The following RAI14 variants were observed in gnomAD, a reference collection of about 807,000 sequenced individuals.
RAI14 encodes ankycorbin.
Under a neutral mutation model 115.4 loss-of-function variants are expected in RAI14, and 45 were observed. The observed-to-expected ratio is 0.39, with a 90% CI of 0.31 to 0.50. The LOEUF (loss-of-function observed/expected upper bound fraction) is 0.50, where lower values mean the gene tolerates loss of function less well. Among genes scored for constraint, RAI14 ranks in the 20% least tolerant of loss-of-function variants. RAI14 has a pLI of 0.85. For synonymous variants in RAI14, 371 were observed against 415.4 expected (o/e 0.89, Z 1.30); for missense variants, 939 against 1,131.2 (o/e 0.83, Z 2.44).
chr5:34,696,995 G>A (rs752538614), intron 2 of RAI14, among the ~76,000 whole-genome samples: 1 of 151,930 alleles, frequency 6.6e-6, no homozygotes, highest in Non-Finnish European at 1.5e-5. Context: ...GCCAGGCATG[G>A]TGGCATGCAC....
intron 2 of RAI14, among the ~76,000 whole-genome samples, chr5:34,742,168 C>T (rs570584447): frequency 3.9e-5 from 6 of 152,274 alleles, no homozygotes; most frequent in Admixed American, 2.0e-4. Flanking sequence ...GTGGCCTCGT[C>T]GCTAACCAAG....
intron 2 of RAI14, among the ~76,000 whole-genome samples, chr5:34,704,657 A>G (rs953396569): frequency 2.0e-5 from 3 of 151,986 alleles, no homozygotes; most frequent in Non-Finnish European, 4.4e-5. Flanking sequence ...TTCTGTTCCC[A>G]GTTATATACT....
Position 34,787,431 on chromosome 5 carries a change from A to G in RAI14, c.168-8508A>G, listed in dbSNP as rs151243691. On this transcript the variant is annotated intron_variant, in intron 3 of 17. Transcript: ENST00000265109. ...TAAGGAAGGAATGAAGTACTAATGC[A>G]TACTGCAACATGGATGAACCTTGAA... Among the ~76,000 whole-genome samples, 980 of 152,374 alleles carry G rather than the reference A, an allele frequency of 6.4e-3. 10 individuals are homozygous for G. The highest frequency in any genetic ancestry group is 7.6e-3 in the Non-Finnish European group (514 of 68,040).
chr5:34,739,445 G>C (rs1010082534), intron 2 of RAI14, among the ~76,000 whole-genome samples: 3 of 152,188 alleles, frequency 2.0e-5, no homozygotes, highest in African/African-American at 7.2e-5. Context: ...CTAGTATAAA[G>C]AGTTTGGATT....
intron 14 of RAI14, 75 bp from the exon 15 acceptor site, chr5:34,822,881 G>T: frequency 2.3e-6 from 3 of 1,281,624 alleles, no homozygotes; most frequent in Non-Finnish European, 2.2e-6. Context: ...TAGAGACGGG[G>T]TTTCACCGTG....
chr5:34,828,957 T>C (rs1241131246), intron 16 of RAI14, among the ~76,000 whole-genome samples: 2 of 152,188 alleles, frequency 1.3e-5, no homozygotes, highest in South Asian at 2.1e-4. Context: ...ATTTGGTCAT[T>C]GTAGAAAAGT....
chr5:34,782,001 G>A (rs1422485093), intron 3 of RAI14, among the ~76,000 whole-genome samples: 3 of 152,216 alleles, frequency 2.0e-5, no homozygotes, highest in Non-Finnish European at 2.9e-5. Flanking sequence ...CGGAAATAAA[G>A]GGATGGGTCT....
intron 2 of RAI14, among the ~76,000 whole-genome samples, chr5:34,733,607 C>T (rs539754081): frequency 6.6e-6 from 1 of 152,330 alleles, no homozygotes; most frequent in South Asian, 2.1e-4. Context: ...CTGGACCCTT[C>T]TCTAAAGCAC....
chr5:34,666,658 C>A (rs542886841), intron 1 of RAI14, among the ~76,000 whole-genome samples: 11 of 152,278 alleles, frequency 7.2e-5, no homozygotes, highest in Admixed American at 1.3e-4. Flanking sequence ...CCATTTCAGT[C>A]AAAAACCAAG....
At chr5:34,673,316 G>A (rs866387646) in intron 1 of RAI14, among the ~76,000 whole-genome samples, 22 of 152,176 alleles carry the variant, frequency 1.4e-4, no homozygotes, top group African/African-American at 5.1e-4. Flanking sequence ...CTGTGTGAGG[G>A]CAATGGGGCA....
chr5:34,816,730 T>C (rs887427143), intron 12 of RAI14, among the ~76,000 whole-genome samples: 5 of 152,194 alleles, frequency 3.3e-5, no homozygotes, highest in African/African-American at 1.2e-4. Context: ...TTCCCTCACT[T>C]TAGACTTTAC....
intron 11 of RAI14, 105 bp from the exon 12 acceptor site, chr5:34,814,478 T>G: frequency 1.3e-6 from 1 of 777,494 alleles, no homozygotes; most frequent in Non-Finnish European, 2.2e-6. Flanking sequence ...ATACTTACTG[T>G]TAGATTTCAT....
chr5:34,768,431 G>A (rs1014203591), intron 3 of RAI14, among the ~76,000 whole-genome samples: 3 of 152,178 alleles, frequency 2.0e-5, no homozygotes, highest in East Asian at 3.9e-4. Flanking sequence ...TCAACTTAGA[G>A]ATCTCGTCAA....
intron 5 of RAI14, among the ~76,000 whole-genome samples, chr5:34,805,978 C>T (rs1754844513): frequency 6.6e-6 from 1 of 152,192 alleles, no homozygotes; most frequent in Admixed American, 6.5e-5. Context: ...ACAGCAGCCC[C>T]TATCCCAGTG....
chr5:34,662,491 A>G (rs1742766930), intron 1 of RAI14, among the ~76,000 whole-genome samples: 1 of 152,156 alleles, frequency 6.6e-6, no homozygotes, highest in African/African-American at 2.4e-5. Flanking sequence ...AAAGGAGTCT[A>G]GATTTTTTTT....
intron 3 of RAI14, among the ~76,000 whole-genome samples, chr5:34,785,652 T>C (rs1302177201): frequency 6.6e-6 from 1 of 152,164 alleles, no homozygotes; most frequent in East Asian, 1.9e-4. Flanking sequence ...CTACCAAACC[T>C]TTAAATTTCT....
chr5:34,669,178 A>G (rs1017707767), intron 1 of RAI14, among the ~76,000 whole-genome samples: 9 of 152,218 alleles, frequency 5.9e-5, no homozygotes, highest in African/African-American at 2.2e-4. Flanking sequence ...TTTCTGTGCT[A>G]TACAACTTTT....
At chr5:34,776,006 T>A (rs1391901136) in intron 3 of RAI14, among the ~76,000 whole-genome samples, 6 of 152,206 alleles carry the variant, frequency 3.9e-5, no homozygotes, top group African/African-American at 1.4e-4. Context: ...TAGCCATTAT[T>A]TGGAAGCAAC....
intron 2 of RAI14, among the ~76,000 whole-genome samples, chr5:34,721,111 C>G (rs895843103): frequency 1.3e-5 from 2 of 151,890 alleles, no homozygotes; most frequent in African/African-American, 4.8e-5. Flanking sequence ...CTTCTTCCTT[C>G]TCCTCTCTTA....
Sources: gnomAD v4.1 joint callset for allele counts (sites outside exome capture counted in the v4.1 genomes callset) on GRCh38, gnomAD v4.1.1 for gene constraint, MANE v1.5 for transcripts, NCBI Gene and HGNC (gene_info 2026-07-23, HGNC 2026-07-21) for gene names.